CSGALNACT2: variants seen among roughly 807,000 people sequenced by gnomAD.
The protein encoded by CSGALNACT2 is chondroitin sulfate N-acetylgalactosaminyltransferase 2, also known as beta 4 GalNAcT-2.
A neutral mutation model predicts 55.3 loss-of-function variants in CSGALNACT2; 35 were observed. That is an observed-to-expected ratio of 0.63 (90% confidence interval 0.48 to 0.84). The LOEUF is 0.84. CSGALNACT2 is among the 40% of genes least tolerant of loss of function. The probability of loss-of-function intolerance (pLI) is 0.00; values close to 1 mark genes in which losing one functional copy is unlikely to be tolerated. For synonymous variants in CSGALNACT2, 196 were observed against 224.9 expected, an observed-to-expected ratio of 0.87 and a Z score of 1.15; for missense variants, 544 against 657.5, an observed-to-expected ratio of 0.83 and a Z score of 1.89.
chr10:43,167,149 A>G (rs764303966), intron 6 of CSGALNACT2, 51 bp downstream of exon 6: 15 of 1,179,768 alleles, frequency 1.3e-5, no homozygotes, highest in Non-Finnish European at 1.8e-5. Context: ...TCTTTTCTAG[A>G]TGTTTGTTGT....
At chr10:43,177,980 T>A (rs1195319919) in intron 7 of CSGALNACT2, among the ~76,000 whole-genome samples, 1 of 152,222 alleles carries the variant, frequency 6.6e-6, no homozygotes, top group Non-Finnish European at 1.5e-5. Flanking sequence ...TGGTATTGAT[T>A]GTGACTCTGA....
chr10:43,173,178 T>G (rs1839415931), intron 6 of CSGALNACT2, among the ~76,000 whole-genome samples: 1 of 151,952 alleles, frequency 6.6e-6, no homozygotes, highest in Non-Finnish European at 1.5e-5. Context: ...CGGAGAAAGG[T>G]TTGGATATGA....
At chr10:43,172,136 C>A (rs1367572316) in intron 6 of CSGALNACT2, among the ~76,000 whole-genome samples, 1 of 152,154 alleles carries the variant, frequency 6.6e-6, no homozygotes, top group Non-Finnish European at 1.5e-5. Flanking sequence ...AACAGTCTTT[C>A]CTGGGGAAGT....
chr10:43,145,920 G>A (rs1838737454), intron 1 of CSGALNACT2, among the ~76,000 whole-genome samples: 1 of 152,066 alleles, frequency 6.6e-6, no homozygotes, highest in South Asian at 2.1e-4. Context: ...AAATATCTAG[G>A]AATGGAATGG....
At chr10:43,147,503 T>C (rs1173180057) in intron 1 of CSGALNACT2, among the ~76,000 whole-genome samples, 1 of 152,238 alleles carries the variant, frequency 6.6e-6, no homozygotes, top group Non-Finnish European at 1.5e-5. Context: ...TGAAATTCAA[T>C]TTATCATTTA....
At position 43,184,523 on chromosome 10, in the gene CSGALNACT2, CT is replaced by C. The variant is rs1258685641; in HGVS notation, c.*984del. 2 of 152,042 alleles carry C rather than the reference CT, an allele frequency of 1.3e-5. No homozygotes were observed. The highest frequency in any genetic ancestry group is 4.1e-4 in the South Asian group (2 of 4,830). 9.4% of individuals were successfully genotyped at this position (152,042 alleles called of 1,614,324 possible). ...CATTTGTATTTGCATTACTATAATA[CT>C]TTGAGTTGAAAAAGAGTTTCATTGT... On this transcript the variant is annotated 3_prime_UTR_variant, in exon 8 of 8. Transcript: ENST00000374466.
intron 4 of CSGALNACT2, among the ~76,000 whole-genome samples, chr10:43,161,630 T>C (rs1839150959): frequency 6.6e-6 from 1 of 152,172 alleles, no homozygotes; most frequent in South Asian, 2.1e-4. Context: ...AGAGCCTTGA[T>C]GTATATAGAC....
chr10:43,173,110 G>A (rs1839414266), intron 6 of CSGALNACT2, among the ~76,000 whole-genome samples: 1 of 152,200 alleles, frequency 6.6e-6, no homozygotes, highest in African/African-American at 2.4e-5. Flanking sequence ...AGCCAGTTAG[G>A]CTTTCACAGT....
At chr10:43,151,309 A>G (rs1429183127) in intron 1 of CSGALNACT2, among the ~76,000 whole-genome samples, 4 of 152,118 alleles carry the variant, frequency 2.6e-5, no homozygotes, top group African/African-American at 9.7e-5. Context: ...AAATATTCTT[A>G]AGGCTTGTTG....
At chr10:43,168,646 A>G (rs1839318330) in intron 6 of CSGALNACT2, among the ~76,000 whole-genome samples, 1 of 149,602 alleles carries the variant, frequency 6.7e-6, no homozygotes, top group Non-Finnish European at 1.5e-5. Flanking sequence ...CATTATCTTC[A>G]TATCAACACT....
intron 6 of CSGALNACT2, among the ~76,000 whole-genome samples, chr10:43,174,181 G>T (rs1043579607): frequency 1.3e-5 from 2 of 151,626 alleles, no homozygotes; most frequent in Non-Finnish European, 2.9e-5. Flanking sequence ...TTCTAGAAGG[G>T]GAAGAAGTTC....
At chr10:43,154,708 C>T (rs990285937) in intron 1 of CSGALNACT2, among the ~76,000 whole-genome samples, 189 bp from the exon 2 acceptor site, 1 of 149,828 alleles carries the variant, frequency 6.7e-6, no homozygotes, top group Non-Finnish European at 1.5e-5. Flanking sequence ...GCCTGGGTGA[C>T]GGAGTGAGAC....
chr10:43,181,898 G>A lies in CSGALNACT2; in HGVS notation c.1337-1352G>A, dbSNP rs568382964. On this transcript the variant is annotated intron_variant, in intron 7 of 7. Transcript: ENST00000374466. ...AGGAGTTCAAGCTTACGAAGATGAC[G>A]GGATTAAGAGATTAAAGTAAAGACA... Among the ~76,000 whole-genome samples, 5 of 17,450 alleles carry A rather than the reference G, an allele frequency of 2.9e-4. 1 individual carries two copies. Among genetic ancestry groups the A allele is most frequent in the East Asian group, 2.5e-3 (5 of 2,020 alleles). 11.4% of individuals were successfully genotyped at this position (17,450 alleles called of 152,430 possible).
intron 6 of CSGALNACT2, among the ~76,000 whole-genome samples, chr10:43,169,713 A>G (rs1267908219): frequency 6.6e-6 from 1 of 152,238 alleles, no homozygotes; most frequent in South Asian, 2.1e-4. Context: ...AGCTAAGCAG[A>G]AACAAATCTT....
At position 43,184,265 on chromosome 10, in the gene CSGALNACT2, C is replaced by G. The variant is rs578169756; in HGVS notation, c.*723C>G. On this transcript the variant is annotated 3_prime_UTR_variant, in exon 8 of 8. Transcript: ENST00000374466. Reference sequence around the variant, plus strand: ...GTTGCTGTAAACTATTTTGAACAAACAGAAAAGAACACGGAAACATTTTTA... The same window carrying G: ...GTTGCTGTAAACTATTTTGAACAAAGAGAAAAGAACACGGAAACATTTTTA... 9.9e-5 allele frequency: 15 copies of G among 152,280 alleles called. No individual in the cohort carries two copies. The highest frequency in any genetic ancestry group is 3.4e-4 in the African/African-American group (14 of 41,564). 9.4% of individuals were successfully genotyped at this position (152,280 alleles called of 1,614,324 possible).
intron 1 of CSGALNACT2, among the ~76,000 whole-genome samples, chr10:43,140,235 A>T (rs1464614799): frequency 6.6e-6 from 1 of 152,236 alleles, no homozygotes; most frequent in East Asian, 1.9e-4. Flanking sequence ...TGTCTTGGTG[A>T]GCATCTGTAT....
intron 4 of CSGALNACT2, among the ~76,000 whole-genome samples, chr10:43,161,168 T>C (rs1217383828): frequency 6.6e-6 from 1 of 152,254 alleles, no homozygotes; most frequent in African/African-American, 2.4e-5. Flanking sequence ...TACTTAATTA[T>C]TAATTCTTTA....
intron 7 of CSGALNACT2, among the ~76,000 whole-genome samples, chr10:43,179,876 A>C (rs1839556996): frequency 6.6e-6 from 1 of 152,212 alleles, no homozygotes; most frequent in Admixed American, 6.5e-5. Context: ...AAGAGGCTGG[A>C]ACTTCTCTAA....
chr10:43,160,595 G>A lies in CSGALNACT2; in HGVS notation c.980G>A (p.Ser327Asn). The change falls in exon 4 of 8, where the codon AGT becomes AAT. Residue 327 changes from serine to asparagine, a missense_variant and splice_region_variant. This residue lies in a region of CSGALNACT2 where 374 missense variants were observed against 401.3 expected (regional missense o/e 0.93). Transcript: ENST00000374466. ...KVKSILESVTSESNFHNYTLV... is the reference protein window; with the variant it reads ...KVKSILESVTNESNFHNYTLV... The stretch of plus-strand genomic sequence containing the variant: ...AAGTCTATCCTAGAATCTGTCACCA[G>A]GTTGGTGAACCACATCTGCAGTGAA... The A allele has an allele frequency of 2.1e-6, 3 of 1,445,772 alleles. No individual in the cohort carries two copies. The highest frequency in any genetic ancestry group is 2.9e-6 in the Non-Finnish European group (3 of 1,027,876). The allele number at this position is 1,445,772 out of a possible 1,614,324, so 89.6% of individuals were successfully genotyped here.
Sources: allele counts gnomAD v4.1 joint callset (sites outside exome capture counted in the v4.1 genomes callset), GRCh38; gene constraint gnomAD v4.1.1; regional missense constraint gnomAD v4.1.1; transcripts MANE v1.5; gene names NCBI Gene and HGNC (gene_info 2026-07-23, HGNC 2026-07-21).